Variants in ODF2L observed in about 807,000 individuals in gnomAD.
ODF2L encodes outer dense fiber of sperm tails 2 like, also known as protein BCAP.
Under a neutral mutation model 86.3 loss-of-function variants are expected in ODF2L, and 76 were observed. The ratio of observed to expected loss-of-function variants is 0.88; its 90% CI spans 0.73 to 1.07. The LOEUF (loss-of-function observed/expected upper bound fraction) is 1.07, where lower values mean the gene tolerates loss of function less well. ODF2L is among the 50% of genes least tolerant of loss of function. The pLI is 0.00. For missense variants in ODF2L, 748 were observed against 717.4 expected, an observed-to-expected ratio of 1.04 and a Z score of -0.49; for synonymous variants, 241 against 231.3, an observed-to-expected ratio of 1.04 and a Z score of -0.38.
chr1:86,362,267 C>T (rs995209677), intron 11 of ODF2L, among the ~76,000 whole-genome samples: 8 of 150,916 alleles, frequency 5.3e-5, no homozygotes, highest in Admixed American at 1.3e-4. Flanking sequence ...CACGATCTGA[C>T]TAAATTTTTT....
In ODF2L at chr1:86,377,186, G is replaced by C. The variant is rs186053205; in HGVS notation, c.625-768C>G. Among the ~76,000 whole-genome samples, 4 of 152,264 alleles carry C rather than the reference G, an allele frequency of 2.6e-5. No homozygotes were observed. In the East Asian group the frequency reaches 7.7e-4, roughly 29 times the overall value. On this transcript the variant is annotated intron_variant, in intron 7 of 17. Coordinates refer to ENST00000317336, the Ensembl canonical transcript of ODF2L. ...CCATGCAAGTCCAAAATCCAGCAGG[G>C]CAGTCATTAAATCTTAAATCTCCTA...
chr1:86,381,589 G>T (rs1194441758), intron 7 of ODF2L, among the ~76,000 whole-genome samples: 4 of 151,934 alleles, frequency 2.6e-5, no homozygotes, highest in Non-Finnish European at 4.4e-5. Flanking sequence ...TCTCAAGGTG[G>T]GAATATTGCT....
At chr1:86,353,503 A>C (rs1658303062) in intron 16 of ODF2L, among the ~76,000 whole-genome samples, 1 of 152,152 alleles carries the variant, frequency 6.6e-6, no homozygotes, top group Non-Finnish European at 1.5e-5. Context: ...TTCTCTGGTT[A>C]CTTATTTTAG....
At chr1:86,355,208 C>T in intron 14 of ODF2L, 1 of 619,192 alleles carries the variant, frequency 1.6e-6, no homozygotes, top group Admixed American at 3.2e-5. Context: ...TTTTGGATAC[C>T]TAGGGTTTCT....
chr1:86,375,608 C>A (rs1430149550), intron 8 of ODF2L, among the ~76,000 whole-genome samples: 1 of 152,026 alleles, frequency 6.6e-6, no homozygotes, highest in Non-Finnish European at 1.5e-5. Flanking sequence ...GCACTAAGGC[C>A]ATTTTCAAAT....
rs1011824787 is a variant in ODF2L at position 86,358,019 on chromosome 1, G to A, written c.1359+768C>T. On this transcript the variant is annotated intron_variant, in intron 13 of 17. Transcript: ENST00000317336. ...GAAAGCAGTAAGTTGTGCATTCAGT[G>A]AGCTATCTTTATGTCTGTATAACTG... 6 of 984,834 alleles carry A rather than the reference G, an allele frequency of 6.1e-6. No individual in the cohort carries two copies. In the African/African-American group the frequency reaches 1.0e-4, roughly 17 times the overall value. 61.0% of individuals were successfully genotyped at this position (984,834 alleles called of 1,614,324 possible). A position where few individuals can be genotyped will look rare whatever the true frequency, so the allele number is the denominator to read the frequency against.
chr1:86,362,451 G>T (rs186740291), intron 11 of ODF2L, among the ~76,000 whole-genome samples: 366 of 151,792 alleles, frequency 2.4e-3, no homozygotes, highest in Non-Finnish European at 4.0e-3. Context: ...ACCACACCTG[G>T]CTAATTTTCA....
chr1:86,360,775 C>A, intron 11 of ODF2L: 2 of 257,938 alleles, frequency 7.8e-6, no homozygotes, highest in Non-Finnish European at 1.4e-5. Flanking sequence ...AATTTACTGA[C>A]AAAAAAACTT....
At chr1:86,396,208 A>T in exon 1 of ODF2L, 1 of 152,612 alleles carries the variant, frequency 6.6e-6, no homozygotes, top group East Asian at 1.9e-4. Flanking sequence ...TAGACTAGGA[A>T]GGAAGGCAAG....
At chr1:86,355,344 C>T in intron 14 of ODF2L, 3 of 1,529,760 alleles carry the variant, frequency 2.0e-6, no homozygotes, top group Non-Finnish European at 2.7e-6. Flanking sequence ...GACACACTCA[C>T]CCATGCCAAG....
At chr1:86,373,152 T>C (rs889396631) in intron 8 of ODF2L, among the ~76,000 whole-genome samples, 9 of 152,094 alleles carry the variant, frequency 5.9e-5, no homozygotes, top group Non-Finnish European at 1.2e-4. Flanking sequence ...AATAGAAAAA[T>C]TGTAAAGTAA....
At chr1:86,348,800 T>C (rs752161248), downstream of ODF2L, 1 of 1,554,064 alleles carries the variant, frequency 6.4e-7, no homozygotes, top group Non-Finnish European at 8.6e-7. Flanking sequence ...AAATAATTCT[T>C]AATACTCTCA....
intron 9 of ODF2L, 28 bp downstream of exon 9, chr1:86,372,400 AAAT>A (rs1659856568): frequency 1.8e-6 from 2 of 1,087,774 alleles, no homozygotes; most frequent in East Asian, 5.9e-5. Context: ...AACTCTTACT[AAAT>A]AATAAAATAT....
intron 6 of ODF2L, 65 bp downstream of exon 6, chr1:86,382,866 T>C (rs1180068257): frequency 5.1e-6 from 4 of 790,430 alleles, no homozygotes; most frequent in South Asian, 3.0e-5. Context: ...GGGGCCAGGA[T>C]GGGAAAAAAA....
chr1:86,395,910 G>A (rs557243515), intron 1 of ODF2L, 123 bp downstream of exon 1: 12 of 152,290 alleles, frequency 7.9e-5, no homozygotes, highest in African/African-American at 2.9e-4. Flanking sequence ...TGGGCGCGAG[G>A]GCCTTTTACT....
chr1:86,352,440 T>C (rs1658204609), intron 17 of ODF2L, among the ~76,000 whole-genome samples: 1 of 152,176 alleles, frequency 6.6e-6, no homozygotes, highest in Non-Finnish European at 1.5e-5. Context: ...CAATACTGAA[T>C]GTTTACTACA....
At chr1:86,382,960 C>T (rs754555393) in exon 6 of ODF2L, 1 of 1,571,274 alleles carries the variant, frequency 6.4e-7, no homozygotes, top group South Asian at 1.1e-5. Context: ...CAAGAAAGTT[C>T]TTGGATATGG....
intron 11 of ODF2L, among the ~76,000 whole-genome samples, chr1:86,366,724 A>T (rs1659470980): frequency 6.6e-6 from 1 of 152,182 alleles, no homozygotes; most frequent in Non-Finnish European, 1.5e-5. Context: ...TACTTTTTAA[A>T]ATTCTTGAAA....
At chr1:86,348,892 G>A (rs1332099154), downstream of ODF2L, 1 of 1,546,054 alleles carries the variant, frequency 6.5e-7, no homozygotes, top group Non-Finnish European at 8.6e-7. Flanking sequence ...AAGAAAAAAG[G>A]AAAAAAATAC....
Sources: gnomAD v4.1 joint callset for allele counts (sites outside exome capture counted in the v4.1 genomes callset) on GRCh38, gnomAD v4.1.1 for gene constraint, MANE v1.5 for transcripts, NCBI Gene and HGNC (gene_info 2026-07-23, HGNC 2026-07-21) for gene names.